UGT1A10: variants seen among roughly 807,000 people sequenced by gnomAD.
UGT1A10 encodes UDP-glucuronosyltransferase 1A10.
In UGT1A10, 49 loss-of-function variants were observed where a neutral mutation model predicts 45.8. That is an observed-to-expected ratio of 1.07 (90% CI 0.85 to 1.36). The LOEUF is 1.36. UGT1A10 is among the 40% of genes most tolerant of loss of function. The pLI, the probability that UGT1A10 is intolerant of heterozygous loss-of-function variation, is 0.00. For missense variants in UGT1A10, 745 were observed against 668.6 expected (o/e 1.11, Z -1.26); for synonymous variants, 284 against 249.7 (o/e 1.14, Z -1.29).
At chr2:233,715,005 T>G (rs2076427841) in intron 1 of UGT1A10, among the ~76,000 whole-genome samples, 1 of 152,190 alleles carries the variant, frequency 6.6e-6, no homozygotes, top group African/African-American at 2.4e-5. Context: ...GCCTCCCAAG[T>G]AGCTGGAACT....
At chr2:233,717,067 A>C (rs1289809173) in intron 1 of UGT1A10, among the ~76,000 whole-genome samples, 2 of 152,174 alleles carry the variant, frequency 1.3e-5, no homozygotes, top group Non-Finnish European at 2.9e-5. Flanking sequence ...GGAGTGCCAG[A>C]CACGTAACCA....
In UGT1A10 at chr2:233,693,527, C is replaced by G. The variant is rs775014681; in HGVS notation, c.855+56150C>G. 115 of 1,614,082 alleles carry G rather than the reference C, an allele frequency of 7.1e-5. No individual in the cohort carries two copies. Among genetic ancestry groups the G allele is most frequent in the Non-Finnish European group, 9.4e-5 (111 of 1,180,032 alleles). ...ATCTGTGTACCTCTTCAGGGGTTTT[C>G]CGTGTTCCCTGGAGCATACATTCAG... On this transcript the variant is annotated intron_variant, in intron 1 of 4. Coordinates refer to ENST00000344644, the MANE Select transcript of UGT1A10 (RefSeq NM_019075.4).
rs78082792 is a variant in UGT1A10, at chr2:233,692,722, A to G, written c.855+55345A>G. On this transcript the variant is annotated intron_variant, in intron 1 of 4. Transcript: ENST00000344644. Reference sequence around the variant, plus strand: ...TCCAAGTCATCTTCAAAGTGTTGCTATAACTTTTCAGAGAGGGAGAAGCAG... The same window carrying G: ...TCCAAGTCATCTTCAAAGTGTTGCTGTAACTTTTCAGAGAGGGAGAAGCAG... The G allele has an allele frequency of 1.9e-4, 158 of 845,282 alleles. No homozygotes were observed. The East Asian group carries it at 6.8e-3, about 36-fold the overall frequency. 52.4% of individuals were successfully genotyped at this position (845,282 alleles called of 1,614,324 possible).
intron 1 of UGT1A10, chr2:233,648,875 T>C: frequency 7.9e-7 from 1 of 1,268,396 alleles, no homozygotes. Context: ...TCTGAAATTC[T>C]CCAAACACCT....
chr2:233,688,191 G>T (rs924527532), intron 1 of UGT1A10, among the ~76,000 whole-genome samples: 5 of 152,098 alleles, frequency 3.3e-5, no homozygotes, highest in Non-Finnish European at 5.9e-5. Flanking sequence ...CTTTATGACC[G>T]GCTTCTTTCA....
At chr2:233,646,874 G>C (rs1243809119) in intron 1 of UGT1A10, among the ~76,000 whole-genome samples, 1 of 152,168 alleles carries the variant, frequency 6.6e-6, no homozygotes, top group Non-Finnish European at 1.5e-5. Flanking sequence ...TATCTTTTCA[G>C]TAGCAATCCA....
intron 1 of UGT1A10, among the ~76,000 whole-genome samples, chr2:233,643,979 G>A (rs976363623): frequency 3.9e-5 from 6 of 152,218 alleles, no homozygotes; most frequent in Non-Finnish European, 8.8e-5. Flanking sequence ...GAAGGAAAGG[G>A]TCTCTTTTGG....
intron 1 of UGT1A10, chr2:233,681,811 A>AT (rs1015363020): frequency 1.8e-4 from 261 of 1,487,870 alleles, no homozygotes; most frequent in Middle Eastern, 3.8e-4. Context: ...GTGAATGTGA[A>AT]TTTTTTTTTA....
chr2:233,767,164 C>T lies in UGT1A10; in HGVS notation c.986C>T (p.Thr329Ile). 1.2e-6 allele frequency: 2 copies of T among 1,614,090 alleles called. No individual in the cohort carries two copies. The highest frequency in any genetic ancestry group is 1.7e-6 in the Non-Finnish European group (2 of 1,180,006). Reference sequence around the variant, plus strand: ...GATGCTTTGGGCAAAATCCCTCAGACAGTAAGAAGATTCTATACCATGGCC... The same window carrying T: ...GATGCTTTGGGCAAAATCCCTCAGATAGTAAGAAGATTCTATACCATGGCC... ...IADALGKIPQTVLWRYTGTRP... is the reference protein window; with the variant it reads ...IADALGKIPQIVLWRYTGTRP... Residue 329 changes from threonine to isoleucine, a missense_variant and splice_region_variant, in exon 2 of 5, where the codon ACA (threonine) becomes ATA (isoleucine). By Grantham distance (89) the Thr-to-Ile change is moderately conservative. Transcript: ENST00000344644.
chr2:233,668,162 C>G (rs529403575), intron 1 of UGT1A10, among the ~76,000 whole-genome samples: 1 of 152,104 alleles, frequency 6.6e-6, no homozygotes, highest in South Asian at 2.1e-4. Context: ...CCCATTAACT[C>G]GTCATTTACA....
chr2:233,743,834 A>G lies in UGT1A10; in HGVS notation c.856-23200A>G, dbSNP rs1692538057. 1 of 1,366,970 alleles carries G rather than the reference A, an allele frequency of 7.3e-7. No homozygotes were observed. Among genetic ancestry groups the G allele is most frequent in the South Asian group, 1.1e-5 (1 of 88,054 alleles). The allele number at this position is 1,366,970 out of a possible 1,614,324, so 84.7% of individuals were successfully genotyped here. On this transcript the variant is annotated intron_variant, in intron 1 of 4. Coordinates refer to ENST00000344644, the MANE Select transcript of UGT1A10 (RefSeq NM_019075.4). ...AGGGTTTTTGTCGGGGTGCCACTTG[A>G]GCGCCAGCTTGCGGTACGCCTTCTT...
chr2:233,732,686 C>A (rs1472057155), intron 1 of UGT1A10, among the ~76,000 whole-genome samples: 1 of 151,722 alleles, frequency 6.6e-6, no homozygotes, highest in African/African-American at 2.4e-5. Flanking sequence ...GGTACCAGCA[C>A]CCATGCTGTT....
intron 3 of UGT1A10, 48 bp from the exon 4 acceptor site, chr2:233,768,172 G>C: frequency 6.2e-6 from 10 of 1,613,786 alleles, no homozygotes; most frequent in South Asian, 1.1e-5. Context: ...GTCCAGCTGT[G>C]AAACTCAGAG....
At chr2:233,724,684 G>C (rs1018251695) in intron 1 of UGT1A10, among the ~76,000 whole-genome samples, 2 of 144,476 alleles carry the variant, frequency 1.4e-5, no homozygotes, top group Admixed American at 1.4e-4. Flanking sequence ...ATGGGATGGC[G>C]GCCGGGTGAA....
intron 1 of UGT1A10, chr2:233,719,459 C>G (rs758684998): frequency 1.9e-6 from 3 of 1,613,896 alleles, no homozygotes. Flanking sequence ...GGGTCAAGAA[C>G]ATGCTCTACC....
In UGT1A10 at chr2:233,769,767, A is replaced by G. The variant is rs1575845901; in HGVS notation, c.1295+1328A>G. 7.3e-7 allele frequency: 1 copy of G among 1,374,516 alleles called. No individual in the cohort carries two copies. The highest frequency in any genetic ancestry group is 9.5e-7 in the Non-Finnish European group (1 of 1,054,324). 85.1% of individuals were successfully genotyped at this position (1,374,516 alleles called of 1,614,324 possible). On this transcript the variant is annotated intron_variant, in intron 4 of 4. Coordinates refer to ENST00000344644, the MANE Select transcript of UGT1A10 (RefSeq NM_019075.4). The surrounding 1 kb of genome is among the most constrained non-coding windows in gnomAD (Gnocchi z 4.4). ...CCACTCTGGAGGCTAAGGCGGGAGG[A>G]TTGCTTGAGCCCAGAAGTTGGAGGC...
intron 1 of UGT1A10, chr2:233,729,420 A>G (rs2077855113): frequency 5.6e-6 from 9 of 1,613,854 alleles, no homozygotes; most frequent in Middle Eastern, 1.7e-4. Flanking sequence ...GCCACACTCA[A>G]CTGTACTTTG....
chr2:233,750,185 T>G (rs1694383410), intron 1 of UGT1A10, among the ~76,000 whole-genome samples: 1 of 151,838 alleles, frequency 6.6e-6, no homozygotes, highest in African/African-American at 2.4e-5. Flanking sequence ...GATAATGTTG[T>G]GGACAATGAA....
At chr2:233,681,749 C>G (rs2074537294) in intron 1 of UGT1A10, 1 of 812,330 alleles carries the variant, frequency 1.2e-6, no homozygotes, top group Non-Finnish European at 1.5e-6. Context: ...AACATATAAG[C>G]AGGTATCTCA....
Sources: allele counts gnomAD v4.1 joint callset (sites outside exome capture counted in the v4.1 genomes callset), GRCh38; gene constraint gnomAD v4.1.1; non-coding constraint Gnocchi (gnomAD v3.1); transcripts MANE v1.5; gene names NCBI Gene and HGNC (gene_info 2026-07-23, HGNC 2026-07-21).